The following SIK2 variants were observed in gnomAD, a reference collection of about 807,000 sequenced individuals.
SIK2 encodes serine/threonine-protein kinase SIK2.
In SIK2, 29 loss-of-function variants were observed where a neutral mutation model predicts 103.2. The ratio of observed to expected loss-of-function variants is 0.28; its 90% CI spans 0.21 to 0.38. The LOEUF is 0.38. Ranked by LOEUF, SIK2 falls within the 10% of genes least tolerant of loss-of-function variation. The pLI is 1.00. For missense variants in SIK2, 879 were observed against 1,171.0 expected (o/e 0.75, Z 3.64); for synonymous variants, 412 against 446.1 (o/e 0.92, Z 0.96).
At chr11:111,609,435 C>T (rs1457916174) in intron 1 of SIK2, among the ~76,000 whole-genome samples, 2 of 152,114 alleles carry the variant, frequency 1.3e-5, no homozygotes, top group African/African-American at 4.8e-5. Flanking sequence ...GATCTTCCCA[C>T]TTCAGCCTTC....
chr11:111,673,698 T>C (rs1454356525), intron 3 of SIK2, among the ~76,000 whole-genome samples: 2 of 152,186 alleles, frequency 1.3e-5, no homozygotes, highest in Non-Finnish European at 2.9e-5. Flanking sequence ...AGAGATTAGA[T>C]AAAAATAAGC....
chr11:111,636,352 ACTGCTC>A (rs1385006781), intron 3 of SIK2, among the ~76,000 whole-genome samples: 1 of 152,212 alleles, frequency 6.6e-6, no homozygotes, highest in Non-Finnish European at 1.5e-5. Flanking sequence ...AATTATTGCT[ACTGCTC>A]CATTACCCAC....
chr11:111,730,513 T>C lies in SIK2; in HGVS notation c.*6384T>C, dbSNP rs1189351375. Reference sequence around the variant, plus strand: ...TTATTTGCTTATATCTGAAGGGAGGTGGGTGGTTTTGCTGGATGTTTGGTC... The same window carrying C: ...TTATTTGCTTATATCTGAAGGGAGGCGGGTGGTTTTGCTGGATGTTTGGTC... On this transcript the variant is annotated 3_prime_UTR_variant, in exon 15 of 15. Transcript: ENST00000304987. The C allele has an allele frequency of 6.6e-6, 1 of 151,988 alleles. No homozygotes were observed. The highest frequency in any genetic ancestry group is 1.5e-5 in the Non-Finnish European group (1 of 68,000). 9.4% of individuals were successfully genotyped at this position (151,988 alleles called of 1,614,324 possible).
intron 1 of SIK2, among the ~76,000 whole-genome samples, chr11:111,606,016 T>C (rs1204749438): frequency 4.6e-5 from 7 of 152,174 alleles, no homozygotes; most frequent in Admixed American, 4.6e-4. Context: ...AAAATTAGCA[T>C]AATGGGAAAA....
At chr11:111,624,695 A>C (rs571756230) in intron 3 of SIK2, among the ~76,000 whole-genome samples, 1 of 152,376 alleles carries the variant, frequency 6.6e-6, no homozygotes, top group South Asian at 2.1e-4. Context: ...GAGAGAAACA[A>C]AATAGCTGAA....
intron 1 of SIK2, among the ~76,000 whole-genome samples, chr11:111,614,446 C>T (rs1246717184): frequency 6.6e-6 from 1 of 152,160 alleles, no homozygotes; most frequent in African/African-American, 2.4e-5. Flanking sequence ...ATAACAGAAA[C>T]AGTCCATTAA....
intron 3 of SIK2, among the ~76,000 whole-genome samples, chr11:111,647,429 C>G (rs1233548676): frequency 1.3e-5 from 2 of 151,710 alleles, no homozygotes; most frequent in Admixed American, 6.6e-5. Context: ...TTTTTCCAGA[C>G]TGGGCAACAT....
rs1942886798 is a variant in SIK2 at position 111,688,954 on chromosome 11, TGCATG to T, written c.478+794_478+798del. ...TGCAATTTTAAAAGTATATACAAAC[TGCATG>T]GGAGTATAGGTGAGGGAACAAGCAG... On this transcript the variant is annotated intron_variant, in intron 4 of 14. Transcript: ENST00000304987. The surrounding 1 kb of genome is among the most constrained non-coding windows in gnomAD (Gnocchi z 4.2). 2.6e-5 allele frequency among the ~76,000 whole-genome samples: 4 copies of T among 152,216 alleles called. No homozygotes were observed. Among genetic ancestry groups the T allele is most frequent in the Non-Finnish European group, 5.9e-5 (4 of 68,032 alleles).
intron 3 of SIK2, among the ~76,000 whole-genome samples, chr11:111,626,104 T>A (rs1237723584): frequency 6.6e-6 from 1 of 152,202 alleles, no homozygotes; most frequent in African/African-American, 2.4e-5. Flanking sequence ...TCAATTGGAG[T>A]TCTGGAAAGA....
chr11:111,640,657 A>G (rs1942168771), intron 3 of SIK2, among the ~76,000 whole-genome samples: 1 of 151,378 alleles, frequency 6.6e-6, no homozygotes. Flanking sequence ...ACTATGCTAT[A>G]CTATGCTATA....
intron 3 of SIK2, among the ~76,000 whole-genome samples, chr11:111,648,130 AAAT>A (rs879463720): frequency 6.6e-6 from 1 of 152,128 alleles, no homozygotes; most frequent in Non-Finnish European, 1.5e-5. Context: ...GAAAAAATAA[AAAT>A]AAGTAATTAA....
At position 111,724,383 on chromosome 11, in the gene SIK2, G is replaced by T; in HGVS notation, c.*254G>T. The T allele has an allele frequency of 1.9e-6, 1 of 522,346 alleles. No individual in the cohort carries two copies. Among genetic ancestry groups the T allele is most frequent in the Admixed American group, 3.4e-5 (1 of 29,802 alleles). 32.4% of individuals were successfully genotyped at this position (522,346 alleles called of 1,614,324 possible). On this transcript the variant is annotated 3_prime_UTR_variant, in exon 15 of 15. Transcript: ENST00000304987. ...GGCTCCTGCCCTTCGGTCGAGTGGA[G>T]CAAGCTCTCGAGGGCAGCACTGACA...
intron 8 of SIK2, among the ~76,000 whole-genome samples, chr11:111,711,440 A>C (rs927377538): frequency 1.3e-5 from 2 of 152,176 alleles, no homozygotes; most frequent in African/African-American, 4.8e-5. Flanking sequence ...TTTTTAAAAG[A>C]AGCATTTGTA....
chr11:111,683,707 C>T (rs1377026730), intron 3 of SIK2, among the ~76,000 whole-genome samples: 1 of 152,192 alleles, frequency 6.6e-6, no homozygotes, highest in Non-Finnish European at 1.5e-5. Flanking sequence ...CCGCCTCAGC[C>T]TCCCAAAGTG....
At position 111,617,857 on chromosome 11, in the gene SIK2, T is replaced by TAC. The variant is rs1324307107; in HGVS notation, c.252+1499_252+1500insCA. On this transcript the variant is annotated intron_variant, in intron 2 of 14. Coordinates refer to ENST00000304987, the MANE Select transcript of SIK2 (RefSeq NM_015191.3). ...TTGTGTATGTGTGTGTGTGTATATA[T>TAC]ATATACACACACACACACACACATA... Among the ~76,000 whole-genome samples the TAC allele has an allele frequency of 6.2e-4, 92 of 148,646 alleles. No individual in the cohort carries two copies. The East Asian group carries it at 8.5e-3, about 14-fold the overall frequency.
In SIK2 at chr11:111,616,357, C is replaced by G; in HGVS notation, c.250C>G (p.Gln84Glu). 1 of 1,545,884 alleles carries G rather than the reference C, an allele frequency of 6.5e-7. No individual in the cohort carries two copies. The highest frequency in any genetic ancestry group is 2.2e-5 in the East Asian group (1 of 44,496). The change falls in exon 2 of 15, where the codon CAG becomes GAG. Residue 84 changes from glutamine to glutamate, a missense_variant and splice_region_variant. Gln to Glu is a conservative substitution (Grantham distance 29). Transcript: ENST00000304987. ...LDHPHIIKLY[Q>E]VMETKSMLYL... ...CCACCCTCACATAATCAAACTTTAT[C>G]AGGTATGACTCAGCCTAACACTATC...
chr11:111,617,433 AGT>A (rs1941822520), intron 2 of SIK2, among the ~76,000 whole-genome samples: 4 of 152,176 alleles, frequency 2.6e-5, no homozygotes, highest in African/African-American at 9.7e-5. Flanking sequence ...TGATCTCCAG[AGT>A]GTGATGTGTA....
rs1345211554 is a variant in SIK2 at position 111,688,974 on chromosome 11, G to A, written c.478+812G>A. Among the ~76,000 whole-genome samples the A allele has an allele frequency of 6.6e-6, 1 of 152,152 alleles. No individual in the cohort carries two copies. Among genetic ancestry groups the A allele is most frequent in the African/African-American group, 2.4e-5 (1 of 41,428 alleles). ...CAAACTGCATGGGAGTATAGGTGAG[G>A]GAACAAGCAGTCTACCTGAAGAGTC... is the stretch of plus-strand genomic sequence containing the variant. On this transcript the variant is annotated intron_variant, in intron 4 of 14. Transcript: ENST00000304987. This position sits in a 1 kb window ranked among gnomAD's most constrained non-coding sequence, Gnocchi z 4.2.
At chr11:111,703,073 C>T (rs1943254811) in intron 6 of SIK2, 130 bp from the exon 7 acceptor site, 4 of 723,478 alleles carry the variant, frequency 5.5e-6, no homozygotes, top group Non-Finnish European at 9.1e-6. Context: ...TTCATTTATT[C>T]ATTTGACCTT....
Sources: allele counts gnomAD v4.1 joint callset (sites outside exome capture counted in the v4.1 genomes callset), GRCh38; gene constraint gnomAD v4.1.1; non-coding constraint Gnocchi (gnomAD v3.1); transcripts MANE v1.5; gene names NCBI Gene and HGNC (gene_info 2026-07-23, HGNC 2026-07-21).